The following WDR36 variants were observed in gnomAD, a reference collection of about 807,000 sequenced individuals.
The protein encoded by WDR36 is WD repeat-containing protein 36.
WDR36 carries 63 observed loss-of-function variants against 112.7 expected under a neutral mutation model. That is an observed-to-expected ratio of 0.56 (90% CI 0.46 to 0.69). The LOEUF is 0.69. WDR36 is among the 30% of genes least tolerant of loss of function. The pLI is 0.00. For synonymous variants in WDR36, 410 were observed against 362.2 expected, an observed-to-expected ratio of 1.13 and a Z score of -1.50; for missense variants, 1,226 against 1,070.3, an observed-to-expected ratio of 1.15 and a Z score of -2.03.
intron 2 of WDR36, among the ~76,000 whole-genome samples, chr5:111,096,749 ACTAT>A (rs1191490891): frequency 6.6e-6 from 1 of 151,946 alleles, no homozygotes; most frequent in Non-Finnish European, 1.5e-5. Flanking sequence ...AGACTGGATG[ACTAT>A]CTGTCAGAGC....
chr5:111,104,924 A>G, intron 9 of WDR36, 107 bp downstream of exon 9: 4 of 1,546,152 alleles, frequency 2.6e-6, no homozygotes, highest in Non-Finnish European at 3.5e-6. Flanking sequence ...TATCTCTTTG[A>G]GTGACTTAGA....
chr5:111,105,378 C>T lies in WDR36; in HGVS notation c.1093+18C>T. The T allele has an allele frequency of 1.0e-5, 16 of 1,602,500 alleles. No individual in the cohort carries two copies. Among genetic ancestry groups the T allele is most frequent in the African/African-American group, 1.3e-5 (1 of 74,570 alleles). ...GGGACATGGTAGGTCCTCTACAAGACAAAATAAGCTGGTCACGAAAGAAAC... is the reference window on the plus strand; with the variant it reads ...GGGACATGGTAGGTCCTCTACAAGATAAAATAAGCTGGTCACGAAAGAAAC... On this transcript the variant is annotated intron_variant, in intron 10 of 22. Coordinates refer to ENST00000513710, the MANE Select transcript of WDR36 (RefSeq NM_139281.3).
intron 10 of WDR36, 74 bp downstream of exon 10, chr5:111,105,434 A>C: frequency 7.4e-7 from 1 of 1,352,278 alleles, no homozygotes; most frequent in South Asian, 1.2e-5. Flanking sequence ...AACTGGAGGA[A>C]GTTTCATCAA....
chr5:111,093,037 A>C (rs1285660736), intron 1 of WDR36, among the ~76,000 whole-genome samples: 2 of 152,396 alleles, frequency 1.3e-5, no homozygotes, highest in Non-Finnish European at 2.9e-5. Context: ...ATACATTGGG[A>C]GAACCGGAGA....
rs367717352 is a variant in WDR36 at position 111,116,140 on chromosome 5, G to A, written c.1797-2873G>A. Among the ~76,000 whole-genome samples the A allele has an allele frequency of 4.6e-5, 7 of 151,646 alleles. 1 individual carries two copies. Among genetic ancestry groups the A allele is most frequent in the East Asian group, 1.9e-4 (1 of 5,158 alleles). On this transcript the variant is annotated intron_variant, in intron 16 of 22. Coordinates refer to ENST00000513710, the MANE Select transcript of WDR36 (RefSeq NM_139281.3). ...TTTTTTTGTATTTTTAATGGAGCTGGGGTTTCACCATGTGGCCAGGCTGAT... is the reference window on the plus strand; with the variant it reads ...TTTTTTTGTATTTTTAATGGAGCTGAGGTTTCACCATGTGGCCAGGCTGAT...
chr5:111,105,990 C>G, intron 10 of WDR36, 67 bp from the exon 11 acceptor site: 1 of 1,268,906 alleles, frequency 7.9e-7, no homozygotes, highest in Non-Finnish European at 1.2e-6. Flanking sequence ...GATAGCTTTT[C>G]TTTTATATAC....
rs1753377962 is a variant in WDR36 at position 111,113,075 on chromosome 5, C to CT, written c.1722dup (p.Ser575Ter). On this transcript the variant is annotated frameshift_variant and splice_region_variant, in exon 16 of 23. Coordinates refer to ENST00000513710, the MANE Select transcript of WDR36 (RefSeq NM_139281.3). LOFTEE classifies it high-confidence loss of function. ...ATATTTTTTTTTTTTAATTTAAAGG[C>CT]TTTTAGTCCTGATGGTCGTTGGTTA... is the stretch of plus-strand genomic sequence containing the variant. The CT allele has an allele frequency of 1.5e-6, 2 of 1,341,260 alleles. No homozygotes were observed. The highest frequency in any genetic ancestry group is 2.0e-6 in the Non-Finnish European group (2 of 1,024,110). The allele number at this position is 1,341,260 out of a possible 1,614,324, so 83.1% of individuals were successfully genotyped here.
intron 19 of WDR36, among the ~76,000 whole-genome samples, chr5:111,122,831 G>T (rs1208578266): frequency 6.6e-6 from 1 of 152,152 alleles, no homozygotes; most frequent in South Asian, 2.1e-4. Context: ...AAATGTTCCT[G>T]AGAGGTGGGG....
In WDR36 at chr5:111,107,324, T is replaced by C; in HGVS notation, c.1211T>C (p.Ile404Thr). Residue 404 changes from isoleucine (I) to threonine (T), a missense_variant, in exon 12 of 23, where the codon ATC becomes ACC. Physicochemically the swap from Ile to Thr is moderately conservative, Grantham distance 89. Coordinates refer to ENST00000513710, the MANE Select transcript of WDR36 (RefSeq NM_139281.3). The stretch of plus-strand genomic sequence containing the variant: ...GCTCGTGAAAGTGACTGGGATGGTA[T>C]CATTGCTTGCCATCAAGGTAAGCTA... ...EEARESDWDG[I>T]IACHQGKLSC... 1 of 1,610,484 alleles carries C rather than the reference T, an allele frequency of 6.2e-7. No homozygotes were observed.
rs1378999065 is a variant in WDR36, at chr5:111,128,585, C to G, written c.*1702C>G. 1.7e-5 allele frequency: 3 copies of G among 179,340 alleles called. No homozygotes were observed. Among genetic ancestry groups the G allele is most frequent in the African/African-American group, 7.1e-5 (3 of 42,402 alleles). The allele number at this position is 179,340 out of a possible 1,614,324, so 11.1% of individuals were successfully genotyped here. On this transcript the variant is annotated 3_prime_UTR_variant, in exon 23 of 23. Transcript: ENST00000513710. ...AATAACTAAAACAAAATGATAAGAG[C>G]TGTGAACTGAAATTGTATTGCTTAC...
At chr5:111,121,854 G>A (rs941054554) in intron 19 of WDR36, among the ~76,000 whole-genome samples, 76 of 152,128 alleles carry the variant, frequency 5.0e-4, no homozygotes, top group Non-Finnish European at 3.5e-4. Context: ...GATCATGAAT[G>A]CAAGTATTGT....
At chr5:111,114,751 G>C (rs1248699789) in intron 16 of WDR36, among the ~76,000 whole-genome samples, 2 of 152,150 alleles carry the variant, frequency 1.3e-5, no homozygotes, top group Middle Eastern at 6.3e-3. Context: ...TTCTTGGGCT[G>C]TTGCTATTTT....
intron 9 of WDR36, 39 bp from the exon 10 acceptor site, chr5:111,105,256 A>G (rs1233369802): frequency 6.3e-7 from 1 of 1,584,270 alleles, no homozygotes; most frequent in Admixed American, 1.7e-5. Context: ...CCCTTGTTTT[A>G]ATGAAGCTTG....
chr5:111,113,236 G>T (rs1449596201), intron 16 of WDR36, 83 bp downstream of exon 16: 3 of 774,708 alleles, frequency 3.9e-6, no homozygotes, highest in East Asian at 3.3e-5. Context: ...GATAGTTAAT[G>T]GGTTATATGC....
intron 3 of WDR36, 123 bp from the exon 4 acceptor site, chr5:111,098,599 A>G (rs149321799): frequency 8.2e-6 from 6 of 728,348 alleles, no homozygotes; most frequent in Non-Finnish European, 1.5e-5. Context: ...TTGAATAATC[A>G]AAAGTTGGGG....
intron 12 of WDR36, 139 bp downstream of exon 12, chr5:111,107,578 C>T (rs1412795772): frequency 9.0e-7 from 1 of 1,107,924 alleles, no homozygotes; most frequent in East Asian, 2.6e-5. Flanking sequence ...CCCAAAGCCA[C>T]AAAAATTTGC....
chr5:111,110,523 A>AT (rs886386690), intron 13 of WDR36, among the ~76,000 whole-genome samples: 10 of 151,332 alleles, frequency 6.6e-5, no homozygotes, highest in African/African-American at 2.4e-5. Flanking sequence ...ATACAGATTA[A>AT]TTTTTTTTCT....
At chr5:111,111,601 C>T (rs1240831066) in intron 15 of WDR36, 2 of 272,814 alleles carry the variant, frequency 7.3e-6, no homozygotes, top group African/African-American at 4.5e-5. Flanking sequence ...TGGGAGAACT[C>T]ATTTCTGATT....
intron 20 of WDR36, 29 bp downstream of exon 20, chr5:111,123,953 A>G (rs1753622935): frequency 3.1e-6 from 5 of 1,612,838 alleles, no homozygotes; most frequent in African/African-American, 1.3e-5. Context: ...GATTCTAAGT[A>G]TATCGGTGTA....
Sources: allele counts gnomAD v4.1 joint callset (sites outside exome capture counted in the v4.1 genomes callset), GRCh38; gene constraint gnomAD v4.1.1; transcripts MANE v1.5; gene names NCBI Gene and HGNC (gene_info 2026-07-23, HGNC 2026-07-21).